Variants in SLC35F4 observed in about 807,000 individuals in gnomAD.
The protein encoded by SLC35F4 is chromosome 14 open reading frame 36.
In SLC35F4, 24 loss-of-function variants were observed where a neutral mutation model predicts 44.2. The ratio of observed to expected loss-of-function variants is 0.54; its 90% CI spans 0.39 to 0.76. The LOEUF (loss-of-function observed/expected upper bound fraction) is 0.76, where lower values mean the gene tolerates loss of function less well. Among genes scored for constraint, SLC35F4 ranks in the 30% least tolerant of loss-of-function variants. The pLI is 0.00. For missense variants in SLC35F4, 562 were observed against 586.1 expected, an observed-to-expected ratio of 0.96 and a Z score of 0.42; for synonymous variants, 238 against 223.6, an observed-to-expected ratio of 1.06 and a Z score of -0.57.
chr14:57,689,754 G>A (rs868072582), intron 1 of SLC35F4, among the ~76,000 whole-genome samples: 15 of 132,148 alleles, frequency 1.1e-4, no homozygotes, highest in Admixed American at 2.3e-4. Flanking sequence ...GGGGGAGGGG[G>A]GAGGGATAGC....
chr14:57,937,823 A>G (rs1313515735), intron 1 of SLC35F4, among the ~76,000 whole-genome samples: 1 of 152,162 alleles, frequency 6.6e-6, no homozygotes, highest in Non-Finnish European at 1.5e-5. Context: ...GATTGATGAT[A>G]AAGGCCAAAG....
At chr14:57,678,712 C>G (rs2074787819) in intron 1 of SLC35F4, among the ~76,000 whole-genome samples, 1 of 151,314 alleles carries the variant, frequency 6.6e-6, no homozygotes, top group South Asian at 2.1e-4. Flanking sequence ...AAAAAGAAAG[C>G]AGGGTTTGCA....
intron 1 of SLC35F4, among the ~76,000 whole-genome samples, chr14:57,637,462 C>T (rs1340598986): frequency 6.6e-6 from 1 of 152,056 alleles, no homozygotes; most frequent in African/African-American, 2.4e-5. Flanking sequence ...GCTCCCTGGC[C>T]CTGTGGTGGC....
intron 1 of SLC35F4, among the ~76,000 whole-genome samples, chr14:57,674,444 C>G (rs961450073): frequency 6.6e-6 from 1 of 152,138 alleles, no homozygotes; most frequent in Non-Finnish European, 1.5e-5. Context: ...TTATTTATAA[C>G]AGCCAGAAAC....
intron 1 of SLC35F4, among the ~76,000 whole-genome samples, chr14:57,624,566 G>A (rs1293064099): frequency 1.3e-5 from 2 of 152,208 alleles, no homozygotes; most frequent in East Asian, 3.9e-4. Flanking sequence ...TAAAATACTG[G>A]AAAACCAAAT....
intron 1 of SLC35F4, among the ~76,000 whole-genome samples, chr14:57,876,411 T>G (rs933968558): frequency 1.3e-5 from 2 of 152,178 alleles, no homozygotes; most frequent in Admixed American, 6.6e-5. Context: ...TTGTGTATAA[T>G]ACAAAACCTG....
chr14:57,810,811 T>C lies in SLC35F4; in HGVS notation c.103+54912A>G, dbSNP rs931899440. On this transcript the variant is annotated intron_variant, in intron 1 of 7. Coordinates refer to ENST00000556826, the MANE Select transcript of SLC35F4 (RefSeq NM_001306087.2). ...AGAAAAAGGCTCATTCTACCCCATA[T>C]AGGAGTGAAAGTGACCATTCAGACT... Among the ~76,000 whole-genome samples the C allele has an allele frequency of 4.6e-5, 7 of 152,178 alleles. No homozygotes were observed. The South Asian group carries it at 6.2e-4, about 14-fold the overall frequency.
In SLC35F4 at chr14:57,698,365, T is replaced by C. The variant is rs79638022; in HGVS notation, c.104-104241A>G. On this transcript the variant is annotated intron_variant, in intron 1 of 7. Transcript: ENST00000556826. ...AATTCATACAAGTGCAATTGCTATT[T>C]TGAAGAATGGACCTATTTTGAAAGG... 6.4e-3 allele frequency among the ~76,000 whole-genome samples: 982 copies of C among 152,310 alleles called. 8 individuals are homozygous for C. The highest frequency in any genetic ancestry group is 0.022 in the African/African-American group (931 of 41,562).
At chr14:57,808,182 T>G (rs1881565760) in intron 1 of SLC35F4, among the ~76,000 whole-genome samples, 1 of 151,822 alleles carries the variant, frequency 6.6e-6, no homozygotes, top group Admixed American at 6.6e-5. Context: ...AAATATTAAC[T>G]CTTTTAATTC....
intron 1 of SLC35F4, among the ~76,000 whole-genome samples, chr14:57,697,251 A>T (rs552819708): frequency 1.1e-4 from 17 of 152,268 alleles, no homozygotes; most frequent in Non-Finnish European, 5.9e-5. Flanking sequence ...TGTGCTATAT[A>T]ATTCTAAATA....
intron 1 of SLC35F4, among the ~76,000 whole-genome samples, chr14:57,636,659 A>G (rs1421534747): frequency 6.6e-6 from 1 of 152,118 alleles, no homozygotes; most frequent in Non-Finnish European, 1.5e-5. Flanking sequence ...TTGGAAATAT[A>G]AAAATAAGTT....
intron 1 of SLC35F4, among the ~76,000 whole-genome samples, chr14:57,765,316 G>A (rs190049591): frequency 2.0e-4 from 30 of 152,334 alleles, no homozygotes; most frequent in Admixed American, 3.3e-4. Context: ...GGCTAAGCCA[G>A]GGGTCAGAAA....
chr14:57,647,212 G>A (rs1229802922), intron 1 of SLC35F4, among the ~76,000 whole-genome samples: 3 of 150,876 alleles, frequency 2.0e-5, no homozygotes, highest in African/African-American at 7.3e-5. Flanking sequence ...GTCTAATGTT[G>A]ACGGTGGGGT....
At chr14:57,975,280 A>G (rs7144876), downstream of SLC35F4, among the ~76,000 whole-genome samples, 56,692 of 152,028 alleles carry the variant, frequency 0.37, 11,076 homozygotes, top group African/African-American at 0.5. Context: ...TGATGGGGCT[A>G]CCCTGATACC....
At chr14:57,594,668 T>C (rs1019254002) in intron 1 of SLC35F4, among the ~76,000 whole-genome samples, 4 of 152,258 alleles carry the variant, frequency 2.6e-5, no homozygotes, top group African/African-American at 9.6e-5. Context: ...CAGTGTTCTG[T>C]GATTTTCCAC....
chr14:57,873,364 G>T (rs1888334119), intron 1 of SLC35F4, among the ~76,000 whole-genome samples: 1 of 152,056 alleles, frequency 6.6e-6, no homozygotes, highest in African/African-American at 2.4e-5. Context: ...TGCCACCCAG[G>T]TATTCATCAT....
chr14:57,831,502 CA>C (rs1336297246), intron 1 of SLC35F4, among the ~76,000 whole-genome samples: 2 of 152,176 alleles, frequency 1.3e-5, no homozygotes, highest in Non-Finnish European at 2.9e-5. Flanking sequence ...TCTGGAGGGA[CA>C]AACTAAAGCC....
intron 1 of SLC35F4, among the ~76,000 whole-genome samples, chr14:57,928,359 C>T (rs1488631701): frequency 6.6e-6 from 1 of 152,202 alleles, no homozygotes; most frequent in Non-Finnish European, 1.5e-5. Flanking sequence ...TTGGAGGAGG[C>T]CTGTGGAAAG....
intron 1 of SLC35F4, among the ~76,000 whole-genome samples, chr14:57,878,849 A>C (rs1176622809): frequency 1.3e-5 from 2 of 152,212 alleles, no homozygotes; most frequent in Non-Finnish European, 2.9e-5. Flanking sequence ...CTGGTTATCA[A>C]AGACAAGTCC....
Sources: gnomAD v4.1 joint callset for allele counts (sites outside exome capture counted in the v4.1 genomes callset) on GRCh38, gnomAD v4.1.1 for gene constraint, MANE v1.5 for transcripts, NCBI Gene and HGNC (gene_info 2026-07-23, HGNC 2026-07-21) for gene names.